GPC6: variants seen among roughly 807,000 people sequenced by gnomAD.
GPC6 encodes the protein glypican 6, also known as glypican-6.
A neutral mutation model predicts 55.2 loss-of-function variants in GPC6; 14 were observed. The observed-to-expected ratio is 0.25, with a 90% confidence interval of 0.17 to 0.40. The LOEUF (loss-of-function observed/expected upper bound fraction) is 0.40, where lower values mean the gene tolerates loss of function less well. Ranked by LOEUF, GPC6 falls within the 10% of genes least tolerant of loss-of-function variation. The probability of loss-of-function intolerance (pLI) is 1.00; values close to 1 mark genes in which losing one functional copy is unlikely to be tolerated. For missense variants in GPC6, 641 were observed against 708.5 expected, an observed-to-expected ratio of 0.90 and a Z score of 1.08; for synonymous variants, 278 against 259.6, an observed-to-expected ratio of 1.07 and a Z score of -0.68.
At chr13:94,262,328 A>T (rs1026091072) in intron 4 of GPC6, among the ~76,000 whole-genome samples, 5 of 152,154 alleles carry the variant, frequency 3.3e-5, no homozygotes, top group African/African-American at 1.2e-4. Flanking sequence ...AGTCAGAGCA[A>T]GGGGAATTTT....
At chr13:93,931,321 G>A (rs1566609239) in intron 3 of GPC6, among the ~76,000 whole-genome samples, 1 of 151,580 alleles carries the variant, frequency 6.6e-6, no homozygotes, top group Non-Finnish European at 1.5e-5. Flanking sequence ...AGGGGTGGAG[G>A]TACCATTCAT....
intron 2 of GPC6, among the ~76,000 whole-genome samples, chr13:93,796,419 G>C (rs751487787): frequency 7.2e-5 from 11 of 151,932 alleles, no homozygotes; most frequent in Non-Finnish European, 1.5e-4. Flanking sequence ...ATATTCCTTT[G>C]ACCTAGCAAT....
At chr13:93,518,374 C>A (rs1225352281) in intron 1 of GPC6, among the ~76,000 whole-genome samples, 3 of 151,866 alleles carry the variant, frequency 2.0e-5, no homozygotes, top group Non-Finnish European at 4.4e-5. Context: ...TCCGTCAACT[C>A]TTCTTGCTTC....
rs527770470 is a variant in GPC6, at chr13:94,130,958, A to G, written c.877+103064A>G. On this transcript the variant is annotated intron_variant, in intron 4 of 8. Transcript: ENST00000377047. ...ATGTAATGAAGCACTACTGAGTTGAATAACTAGACAAGAAACTCCTTAGTT... is the reference window on the plus strand; with the variant it reads ...ATGTAATGAAGCACTACTGAGTTGAGTAACTAGACAAGAAACTCCTTAGTT... Among the ~76,000 whole-genome samples, 4 of 152,250 alleles carry G rather than the reference A, an allele frequency of 2.6e-5. No individual in the cohort carries two copies. The South Asian group carries it at 8.3e-4, about 32-fold the overall frequency.
chr13:93,999,790 G>T (rs1377797172), intron 3 of GPC6, among the ~76,000 whole-genome samples: 3 of 152,154 alleles, frequency 2.0e-5, no homozygotes, highest in Non-Finnish European at 2.9e-5. Flanking sequence ...CTGATAGAGG[G>T]ATTCTGTTAG....
At chr13:94,058,760 C>T (rs1884220283) in intron 4 of GPC6, among the ~76,000 whole-genome samples, 1 of 151,926 alleles carries the variant, frequency 6.6e-6, no homozygotes, top group African/African-American at 2.4e-5. Context: ...AGGTTCCTTC[C>T]CATGCATCGC....
intron 4 of GPC6, among the ~76,000 whole-genome samples, chr13:94,064,558 A>T (rs1884449872): frequency 6.6e-6 from 1 of 152,002 alleles, no homozygotes; most frequent in African/African-American, 2.4e-5. Context: ...GATGACCAGG[A>T]CTCATCTTGA....
intron 1 of GPC6, among the ~76,000 whole-genome samples, chr13:93,347,596 C>T (rs992965740): frequency 2.6e-5 from 4 of 152,116 alleles, no homozygotes; most frequent in South Asian, 2.1e-4. Context: ...CATGCCCAAT[C>T]GAACAAACGT....
chr13:93,516,686 A>C (rs1160538852), intron 1 of GPC6, among the ~76,000 whole-genome samples: 1 of 152,174 alleles, frequency 6.6e-6, no homozygotes, highest in East Asian at 1.9e-4. Context: ...ACAAAGCAAA[A>C]CAAAACCAAA....
intron 2 of GPC6, among the ~76,000 whole-genome samples, chr13:93,569,354 T>A (rs1481005487): frequency 6.6e-6 from 1 of 152,184 alleles, no homozygotes; most frequent in Non-Finnish European, 1.5e-5. Context: ...TTTAACTTAT[T>A]TGAGCCTTAG....
chr13:93,249,910 T>G (rs1392564401), intron 1 of GPC6, among the ~76,000 whole-genome samples: 1 of 152,224 alleles, frequency 6.6e-6, no homozygotes, highest in East Asian at 1.9e-4. Flanking sequence ...TTCTTGCTCA[T>G]ATAACCTGTG....
At position 94,037,780 on chromosome 13, in the gene GPC6, C is replaced by T. The variant is rs911001010; in HGVS notation, c.877+9886C>T. 6.6e-5 allele frequency among the ~76,000 whole-genome samples: 10 copies of T among 151,926 alleles called. No homozygotes were observed. The South Asian group carries it at 1.2e-3, about 19-fold the overall frequency. On this transcript the variant is annotated intron_variant, in intron 4 of 8. Transcript: ENST00000377047. Reference sequence around the variant, plus strand: ...GGAAGTAACTGTTAATCTGTGACTACAAGGATTGATAAGCTATATTGGAAG... The same window carrying T: ...GGAAGTAACTGTTAATCTGTGACTATAAGGATTGATAAGCTATATTGGAAG...
intron 2 of GPC6, among the ~76,000 whole-genome samples, chr13:93,667,502 G>A (rs529560075): frequency 6.6e-6 from 1 of 151,358 alleles, no homozygotes; most frequent in African/African-American, 2.4e-5. Flanking sequence ...GCAAGAACTT[G>A]GTTCACTGCA....
intron 4 of GPC6, among the ~76,000 whole-genome samples, chr13:94,284,792 A>T (rs1242825156): frequency 6.6e-6 from 1 of 152,082 alleles, no homozygotes; most frequent in Non-Finnish European, 1.5e-5. Flanking sequence ...TGATTTATCA[A>T]CAGGTATTTT....
intron 1 of GPC6, among the ~76,000 whole-genome samples, chr13:93,340,159 A>C (rs1002962360): frequency 3.4e-5 from 5 of 147,336 alleles, no homozygotes; most frequent in East Asian, 2.0e-4. Flanking sequence ...CTCAGCCTCC[A>C]GAGTAGCTGG....
intron 3 of GPC6, among the ~76,000 whole-genome samples, chr13:93,971,944 G>A (rs1880299824): frequency 6.6e-6 from 1 of 152,194 alleles, no homozygotes; most frequent in Non-Finnish European, 1.5e-5. Flanking sequence ...GGCAGGAGGA[G>A]TATCCAGCGT....
At chr13:94,088,379 GA>G (rs1885361788) in intron 4 of GPC6, among the ~76,000 whole-genome samples, 1 of 151,982 alleles carries the variant, frequency 6.6e-6, no homozygotes, top group Admixed American at 6.6e-5. Flanking sequence ...GATGTTCATA[GA>G]AACATCCTTA....
At chr13:93,264,843 G>GT in intron 1 of GPC6, among the ~76,000 whole-genome samples, 1 of 151,388 alleles carries the variant, frequency 6.6e-6, no homozygotes, top group Admixed American at 6.6e-5. Context: ...TTTTCCAAAG[G>GT]TTTTCACCCC....
intron 2 of GPC6, among the ~76,000 whole-genome samples, chr13:93,577,229 A>C (rs1012317107): frequency 6.6e-6 from 1 of 152,196 alleles, no homozygotes; most frequent in African/African-American, 2.4e-5. Context: ...CCTTTTGCTT[A>C]CCTTCCAAAA....
Sources: allele counts gnomAD v4.1 joint callset (sites outside exome capture counted in the v4.1 genomes callset), GRCh38; gene constraint gnomAD v4.1.1; transcripts MANE v1.5; gene names NCBI Gene and HGNC (gene_info 2026-07-23, HGNC 2026-07-21).